LRRTM3: variants seen among roughly 807,000 people sequenced by gnomAD.
The protein encoded by LRRTM3 is leucine rich repeat transmembrane neuronal 3.
In LRRTM3, 24 loss-of-function variants were observed where a neutral mutation model predicts 44.7. That is an observed-to-expected ratio of 0.54 (90% CI 0.39 to 0.76). The LOEUF is 0.76. Ranked by LOEUF, LRRTM3 falls within the 30% of genes least tolerant of loss-of-function variation. LRRTM3 has a pLI of 0.00. For missense variants in LRRTM3, 587 were observed against 702.2 expected (o/e 0.84, Z 1.85); for synonymous variants, 277 against 278.7 (o/e 0.99, Z 0.06).
At chr10:67,074,386 T>C (rs2131858110) in intron 2 of LRRTM3, among the ~76,000 whole-genome samples, 1 of 129,694 alleles carries the variant, frequency 7.7e-6, no homozygotes, top group African/African-American at 3.0e-5. Flanking sequence ...AGTCTCGCTC[T>C]GTCGCCCAGG....
At chr10:66,935,058 A>T (rs1362943049) in intron 2 of LRRTM3, among the ~76,000 whole-genome samples, 1 of 152,122 alleles carries the variant, frequency 6.6e-6, no homozygotes, top group African/African-American at 2.4e-5. Flanking sequence ...TAGCTAAAAA[A>T]GTGCTCCTTG....
chr10:66,926,627 A>G, intron 1 of LRRTM3, 40 bp downstream of exon 1: 2 of 1,606,484 alleles, frequency 1.2e-6, no homozygotes, highest in Non-Finnish European at 1.7e-6. Context: ...CTTAAAAACA[A>G]AAAACAAAAA....
intron 2 of LRRTM3, among the ~76,000 whole-genome samples, chr10:67,086,968 A>C (rs1471896670): frequency 6.6e-6 from 1 of 152,080 alleles, no homozygotes; most frequent in Non-Finnish European, 1.5e-5. Context: ...AAGGAAAAGA[A>C]GAATGAGATG....
intron 2 of LRRTM3, among the ~76,000 whole-genome samples, chr10:67,058,140 G>T (rs1020193647): frequency 1.3e-5 from 2 of 151,914 alleles, no homozygotes; most frequent in African/African-American, 4.8e-5. Flanking sequence ...TTAATACCTC[G>T]AATTACAGTT....
intron 2 of LRRTM3, among the ~76,000 whole-genome samples, chr10:67,096,534 G>A (rs895454536): frequency 4.0e-5 from 6 of 151,848 alleles, no homozygotes; most frequent in African/African-American, 1.2e-4. Flanking sequence ...GAATTCAACA[G>A]CATGAATTAG....
At chr10:66,978,391 G>T (rs1315643301) in intron 2 of LRRTM3, among the ~76,000 whole-genome samples, 8 of 151,220 alleles carry the variant, frequency 5.3e-5, no homozygotes, top group Non-Finnish European at 4.4e-5. Context: ...GCTGGGCGTG[G>T]TGGTGGGCGC....
intron 2 of LRRTM3, among the ~76,000 whole-genome samples, chr10:66,994,700 T>C (rs910499515): frequency 6.6e-6 from 1 of 152,168 alleles, no homozygotes; most frequent in African/African-American, 2.4e-5. Flanking sequence ...CAAGTTATGA[T>C]TAAGATAAGG....
Position 66,994,775 on chromosome 10 carries a change from A to C in LRRTM3, c.1536+66323A>C, listed in dbSNP as rs553149908. 3.3e-5 allele frequency among the ~76,000 whole-genome samples: 5 copies of C among 152,320 alleles called. No homozygotes were observed. The South Asian group carries it at 1.0e-3, about 32-fold the overall frequency. ...ATAGAATACAGCTGCAGGGCTTTGT[A>C]TATCTAATAATTATTGTGAAGAAGT... On this transcript the variant is annotated intron_variant, in intron 2 of 2. Coordinates refer to ENST00000361320, the MANE Select transcript of LRRTM3 (RefSeq NM_178011.5).
At chr10:66,938,794 T>C (rs577489212) in intron 2 of LRRTM3, among the ~76,000 whole-genome samples, 4 of 152,194 alleles carry the variant, frequency 2.6e-5, no homozygotes, top group Non-Finnish European at 5.9e-5. Context: ...TGGAGGGATA[T>C]GTTAAAGGGA....
chr10:67,029,807 T>C (rs1425556014), intron 2 of LRRTM3, among the ~76,000 whole-genome samples: 1 of 152,190 alleles, frequency 6.6e-6, no homozygotes, highest in Non-Finnish European at 1.5e-5. Flanking sequence ...CATGTACCTA[T>C]TTAACTTTAA....
chr10:67,053,439 A>G (rs1855234941), intron 2 of LRRTM3, among the ~76,000 whole-genome samples: 1 of 152,190 alleles, frequency 6.6e-6, no homozygotes, highest in South Asian at 2.1e-4. Flanking sequence ...ATGTACTCAA[A>G]ACCAAATACT....
chr10:67,019,868 A>G (rs374096698), intron 2 of LRRTM3, among the ~76,000 whole-genome samples: 3 of 152,312 alleles, frequency 2.0e-5, no homozygotes, highest in Admixed American at 6.5e-5. Context: ...GTTCTTGCCT[A>G]ATTTTCTCCA....
In LRRTM3 at chr10:67,099,364, T is replaced by C. The variant is rs1410563762; in HGVS notation, c.*1568T>C. On this transcript the variant is annotated 3_prime_UTR_variant, in exon 3 of 3. Coordinates refer to ENST00000361320, the MANE Select transcript of LRRTM3 (RefSeq NM_178011.5). ...GGAAAACTGCAAGTTTCAATTACTG[T>C]TGCACTAGAAGTGCTTTTTATGTTG... The C allele has an allele frequency of 1.3e-5, 2 of 151,770 alleles. No individual in the cohort carries two copies. Among genetic ancestry groups the C allele is most frequent in the Non-Finnish European group, 2.9e-5 (2 of 67,810 alleles). 9.4% of individuals were successfully genotyped at this position (151,770 alleles called of 1,614,324 possible). A position where few individuals can be genotyped will look rare whatever the true frequency, so the allele number is the denominator to read the frequency against.
intron 2 of LRRTM3, among the ~76,000 whole-genome samples, chr10:67,061,397 GA>G (rs1158720656): frequency 1.3e-5 from 2 of 152,140 alleles, no homozygotes; most frequent in African/African-American, 4.8e-5. Context: ...GTAATTTTTA[GA>G]TGTGGTATCA....
chr10:66,950,810 G>A (rs900225708), intron 2 of LRRTM3, among the ~76,000 whole-genome samples: 1 of 152,104 alleles, frequency 6.6e-6, no homozygotes, highest in Non-Finnish European at 1.5e-5. Flanking sequence ...CACTGTGTGA[G>A]GGGCATAGAG....
chr10:67,027,931 C>G (rs1339785876), intron 2 of LRRTM3, among the ~76,000 whole-genome samples: 1 of 152,008 alleles, frequency 6.6e-6, no homozygotes, highest in Non-Finnish European at 1.5e-5. Flanking sequence ...TTGTATAGTA[C>G]TTTTTTGTTT....
At chr10:66,935,567 G>A (rs775995687) in intron 2 of LRRTM3, among the ~76,000 whole-genome samples, 55 of 151,960 alleles carry the variant, frequency 3.6e-4, no homozygotes, top group Admixed American at 5.9e-4. Context: ...TTCTAATATG[G>A]CAGAGGACAT....
At chr10:67,077,952 A>G (rs563363177) in intron 2 of LRRTM3, among the ~76,000 whole-genome samples, 84 of 152,296 alleles carry the variant, frequency 5.5e-4, no homozygotes, top group African/African-American at 1.8e-3. Flanking sequence ...GATTTACAAC[A>G]CAAATCTCAC....
intron 2 of LRRTM3, among the ~76,000 whole-genome samples, chr10:66,981,181 G>A (rs905876200): frequency 2.6e-5 from 4 of 152,212 alleles, no homozygotes; most frequent in Admixed American, 6.5e-5. Context: ...TGGGATTACA[G>A]GCGTGAGCCA....
Sources: gnomAD v4.1 joint callset for allele counts (sites outside exome capture counted in the v4.1 genomes callset) on GRCh38, gnomAD v4.1.1 for gene constraint, MANE v1.5 for transcripts, NCBI Gene and HGNC (gene_info 2026-07-23, HGNC 2026-07-21) for gene names.